ARHGEF10: variants seen among roughly 807,000 people sequenced by gnomAD.
The protein encoded by ARHGEF10 is Rho guanine nucleotide exchange factor 10, also known as Rho guanine nucleotide exchange factor (GEF) 10.
ARHGEF10 carries 140 observed loss-of-function variants against 147.4 expected under a neutral mutation model. That is an observed-to-expected ratio of 0.95 (90% CI 0.83 to 1.09). The LOEUF (loss-of-function observed/expected upper bound fraction) is 1.09, where lower values mean the gene tolerates loss of function less well. Ranked by LOEUF, ARHGEF10 falls within the 50% of genes least tolerant of loss-of-function variation. The pLI is 0.00. For missense variants in ARHGEF10, 2,222 were observed against 1,752.7 expected (o/e 1.27, Z -4.78); for synonymous variants, 902 against 695.8 (o/e 1.30, Z -4.67).
At position 1,869,390 on chromosome 8, in the gene ARHGEF10, A is replaced by T. The variant is rs761600930; in HGVS notation, c.679+140A>T. 6 of 764,156 alleles carry T rather than the reference A, an allele frequency of 7.9e-6. No homozygotes were observed. The African/African-American group carries it at 8.6e-5, about 11-fold the overall frequency. The allele number at this position is 764,156 out of a possible 1,614,324, so 47.3% of individuals were successfully genotyped here. A position where few individuals can be genotyped will look rare whatever the true frequency, so the allele number is the denominator to read the frequency against. ...ATGTTGCTTCTAGAATGGCTTATTG[A>T]TGTGTGGTGGAATATTGGTGTTTGT... On this transcript the variant is annotated intron_variant, in intron 7 of 28. Coordinates refer to ENST00000349830, the MANE Select transcript of ARHGEF10 (RefSeq NM_014629.4).
intron 11 of ARHGEF10, among the ~76,000 whole-genome samples, chr8:1,888,891 A>G (rs369733624): frequency 7.3e-6 from 1 of 136,444 alleles, no homozygotes; most frequent in African/African-American, 3.3e-5. Context: ...ATGAGGAGAC[A>G]CTGAGTTGGG....
chr8:1,888,817 A>AGTATTGTGAGGAGACACT (rs1413298809), intron 11 of ARHGEF10, among the ~76,000 whole-genome samples: 6 of 60,488 alleles, frequency 9.9e-5, no homozygotes, highest in South Asian at 1.3e-3. Flanking sequence ...GAGTGGGGTG[A>AGTATTGTGAGGAGACACT]GAGTTATGAG....
intron 26 of ARHGEF10, among the ~76,000 whole-genome samples, chr8:1,936,958 G>A (rs1563312423): frequency 6.6e-6 from 1 of 151,988 alleles, no homozygotes; most frequent in Non-Finnish European, 1.5e-5. Flanking sequence ...GGAATGCGAG[G>A]TCCACACTGG....
chr8:1,840,641 A>C (rs1370306345), intron 1 of ARHGEF10, among the ~76,000 whole-genome samples: 1 of 132,682 alleles, frequency 7.5e-6, no homozygotes, highest in Non-Finnish European at 1.6e-5. Flanking sequence ...GGACTGTCCG[A>C]CGTGGGGACT....
At chr8:1,853,845 G>C (rs1465677608) in intron 2 of ARHGEF10, among the ~76,000 whole-genome samples, 4 of 152,168 alleles carry the variant, frequency 2.6e-5, no homozygotes, top group African/African-American at 7.2e-5. Context: ...TGCACTGCCA[G>C]GTGGCTCCTC....
Position 1,859,891 on chromosome 8 carries a change from C to T in ARHGEF10, c.194-6C>T. The T allele has an allele frequency of 6.2e-7, 1 of 1,612,358 alleles. No individual in the cohort carries two copies. The highest frequency in any genetic ancestry group is 8.5e-7 in the Non-Finnish European group (1 of 1,179,996). On this transcript the variant is annotated splice_polypyrimidine_tract_variant and splice_region_variant and intron_variant, in intron 3 of 28. Transcript: ENST00000349830. Reference sequence around the variant, plus strand: ...GTCTGCTGACAAGTCCTTTCTGCATCCCCAGGAGGTGAGGATGGAGCTGGA... The same window carrying T: ...GTCTGCTGACAAGTCCTTTCTGCATTCCCAGGAGGTGAGGATGGAGCTGGA...
At chr8:1,869,335 GC>G in intron 7 of ARHGEF10, 85 bp downstream of exon 7, 1 of 1,172,206 alleles carries the variant, frequency 8.5e-7, no homozygotes, top group Non-Finnish European at 1.3e-6. Flanking sequence ...TTAGTGGACG[GC>G]CCAGACGTTT....
At chr8:1,922,743 G>T (rs1218199897) in intron 18 of ARHGEF10, among the ~76,000 whole-genome samples, 1 of 152,178 alleles carries the variant, frequency 6.6e-6, no homozygotes, top group African/African-American at 2.4e-5. Context: ...TGGGCATTCA[G>T]GAGGCAGCTC....
intron 4 of ARHGEF10, among the ~76,000 whole-genome samples, chr8:1,864,081 G>A (rs1806376658): frequency 6.6e-6 from 1 of 152,024 alleles, no homozygotes; most frequent in African/African-American, 2.4e-5. Flanking sequence ...CACATGTGGA[G>A]TGGGAGAGAA....
intron 27 of ARHGEF10, among the ~76,000 whole-genome samples, chr8:1,951,575 T>C (rs1209792620): frequency 6.6e-6 from 1 of 152,254 alleles, no homozygotes; most frequent in East Asian, 1.9e-4. Context: ...GAGGTTGTTT[T>C]TCATGCTCTT....
At chr8:1,855,467 C>T (rs1038833115) in intron 2 of ARHGEF10, among the ~76,000 whole-genome samples, 12 of 152,076 alleles carry the variant, frequency 7.9e-5, no homozygotes, top group East Asian at 7.7e-4. Context: ...CTGCAACTTC[C>T]GCTTACTGGG....
At chr8:1,940,537 G>C (rs1414647118) in intron 26 of ARHGEF10, among the ~76,000 whole-genome samples, 2 of 152,170 alleles carry the variant, frequency 1.3e-5, no homozygotes, top group Admixed American at 1.3e-4. Context: ...GGCTTCATTG[G>C]TGAATTCTAA....
chr8:1,921,317 G>A (rs1275902795), intron 18 of ARHGEF10, among the ~76,000 whole-genome samples: 1 of 152,116 alleles, frequency 6.6e-6, no homozygotes, highest in African/African-American at 2.4e-5. Context: ...GGTTCTTTCA[G>A]TTTTGACATA....
intron 1 of ARHGEF10, among the ~76,000 whole-genome samples, chr8:1,839,600 G>C (rs1288755132): frequency 1.5e-5 from 2 of 132,170 alleles, no homozygotes; most frequent in African/African-American, 6.0e-5. Flanking sequence ...GTGTGGGACT[G>C]TCTGCTGTGG....
At chr8:1,887,749 G>C (rs543605261) in intron 11 of ARHGEF10, among the ~76,000 whole-genome samples, 1 of 135,098 alleles carries the variant, frequency 7.4e-6, no homozygotes, top group Non-Finnish European at 1.6e-5. Context: ...AGGGTTTTGA[G>C]GAGACACGGA....
chr8:1,863,163 C>G (rs1052017629), intron 4 of ARHGEF10, among the ~76,000 whole-genome samples: 1 of 152,150 alleles, frequency 6.6e-6, no homozygotes, highest in Non-Finnish European at 1.5e-5. Context: ...ATTTCAGATC[C>G]TGGCCCTGTG....
intron 17 of ARHGEF10, among the ~76,000 whole-genome samples, chr8:1,906,322 C>T (rs1472891071): frequency 2.0e-5 from 3 of 152,126 alleles, no homozygotes; most frequent in East Asian, 1.9e-4. Flanking sequence ...GGTGCCAATT[C>T]GTCATGTCTT....
chr8:1,928,737 G>A (rs1812881697), intron 24 of ARHGEF10, 87 bp downstream of exon 24: 3 of 1,464,750 alleles, frequency 2.0e-6, no homozygotes, highest in African/African-American at 2.8e-5. Context: ...AAGAGTCCTT[G>A]ACTTTGACTC....
At chr8:1,901,128 G>A (rs746893397) in intron 15 of ARHGEF10, among the ~76,000 whole-genome samples, 3 of 152,200 alleles carry the variant, frequency 2.0e-5, no homozygotes, top group South Asian at 4.2e-4. Context: ...TGCCTGAGGG[G>A]CCCTACCTCA....
Sources: allele counts gnomAD v4.1 joint callset (sites outside exome capture counted in the v4.1 genomes callset), GRCh38; gene constraint gnomAD v4.1.1; transcripts MANE v1.5; gene names NCBI Gene and HGNC (gene_info 2026-07-23, HGNC 2026-07-21).